The following DLGAP2 variants were observed in gnomAD, a reference collection of about 807,000 sequenced individuals.
The protein encoded by DLGAP2 is DLG associated protein 2.
In DLGAP2, 26 loss-of-function variants were observed where a neutral mutation model predicts 100.3. That is an observed-to-expected ratio of 0.26 (90% CI 0.19 to 0.36). DLGAP2 has a LOEUF of 0.36. Among genes scored for constraint, DLGAP2 ranks in the 10% least tolerant of loss-of-function variants. DLGAP2 has a pLI of 1.00. For synonymous variants in DLGAP2, 886 were observed against 630.1 expected (o/e 1.41, Z -6.08); for missense variants, 1,858 against 1,453.2 (o/e 1.28, Z -4.53).
intron 4 of DLGAP2, among the ~76,000 whole-genome samples, chr8:1,509,109 G>A (rs1800060963): frequency 6.6e-6 from 1 of 152,006 alleles, no homozygotes; most frequent in South Asian, 2.1e-4. Flanking sequence ...GAGGCGGGCG[G>A]ATCACGAGGT....
intron 4 of DLGAP2, among the ~76,000 whole-genome samples, chr8:1,536,710 C>G (rs1801164429): frequency 6.6e-6 from 1 of 152,196 alleles, no homozygotes; most frequent in Non-Finnish European, 1.5e-5. Context: ...CGTTTGGTCT[C>G]ATATTCATTT....
intron 1 of DLGAP2, among the ~76,000 whole-genome samples, chr8:746,476 G>A (rs1400743225): frequency 6.6e-6 from 1 of 152,194 alleles, no homozygotes; most frequent in Non-Finnish European, 1.5e-5. Flanking sequence ...CTCCAGAGCT[G>A]GGGGCGCAGC....
At chr8:1,332,147 G>A (rs1464526042) in intron 3 of DLGAP2, among the ~76,000 whole-genome samples, 1 of 152,206 alleles carries the variant, frequency 6.6e-6, no homozygotes, top group South Asian at 2.1e-4. Context: ...GTAGAAATGG[G>A]GGTGTGTGTG....
chr8:1,187,993 C>A (rs1440295239), intron 2 of DLGAP2, among the ~76,000 whole-genome samples: 1 of 122,668 alleles, frequency 8.2e-6, no homozygotes. Flanking sequence ...ACCTCTGTGA[C>A]GTTTGCCTCA....
intron 5 of DLGAP2, among the ~76,000 whole-genome samples, chr8:1,556,290 G>A (rs758807632): frequency 6.6e-5 from 10 of 152,090 alleles, no homozygotes; most frequent in Non-Finnish European, 1.5e-4. Context: ...GGGCAGATGA[G>A]GCTCTGCTCC....
chr8:1,540,407 G>C (rs1367054309), intron 4 of DLGAP2, among the ~76,000 whole-genome samples: 1 of 152,184 alleles, frequency 6.6e-6, no homozygotes, highest in Non-Finnish European at 1.5e-5. Context: ...AATTTTGTTT[G>C]AATGGCTGGG....
chr8:1,649,735 T>C lies in DLGAP2; in HGVS notation c.1810+16689T>C, dbSNP rs549709632. Among the ~76,000 whole-genome samples, 9 of 152,358 alleles carry C rather than the reference T, an allele frequency of 5.9e-5. No homozygotes were observed. The South Asian group carries it at 1.7e-3, about 28-fold the overall frequency. On this transcript the variant is annotated intron_variant, in intron 8 of 14. Coordinates refer to ENST00000637795, the MANE Select transcript of DLGAP2 (RefSeq NM_001346810.2). The stretch of plus-strand genomic sequence containing the variant: ...ATATTGGATTTATTTCATCCTAACA[T>C]AGGTATTAAGATAGAGGATCGTGCT...
At chr8:1,135,403 G>C (rs1796384485) in intron 2 of DLGAP2, among the ~76,000 whole-genome samples, 1 of 151,958 alleles carries the variant, frequency 6.6e-6, no homozygotes, top group Non-Finnish European at 1.5e-5. Context: ...AAGAGCCTTT[G>C]AGGGTGCGTC....
intron 1 of DLGAP2, among the ~76,000 whole-genome samples, chr8:873,548 T>G (rs1797637189): frequency 6.6e-6 from 1 of 152,208 alleles, no homozygotes; most frequent in South Asian, 2.1e-4. Flanking sequence ...TTTATAATTC[T>G]CTATATATAA....
intron 2 of DLGAP2, chr8:1,032,821 G>A (rs946649550): frequency 3.3e-5 from 5 of 152,192 alleles, no homozygotes; most frequent in Non-Finnish European, 7.3e-5. Flanking sequence ...GTGGCCCTAA[G>A]GAATGACAGC....
At chr8:966,339 G>A (rs1272719790) in intron 2 of DLGAP2, among the ~76,000 whole-genome samples, 2 of 152,180 alleles carry the variant, frequency 1.3e-5, no homozygotes, top group Non-Finnish European at 2.9e-5. Flanking sequence ...CGGATGACAT[G>A]TTTCTGATAA....
At chr8:1,654,662 A>AAG (rs35267355) in intron 8 of DLGAP2, among the ~76,000 whole-genome samples, 21 of 80,136 alleles carry the variant, frequency 2.6e-4, no homozygotes, top group Non-Finnish European at 5.1e-4. Context: ...ACTCCGTCTC[A>AAG]AAAAAAAAAA....
chr8:1,362,420 C>T (rs994621484), intron 3 of DLGAP2, among the ~76,000 whole-genome samples: 26 of 150,462 alleles, frequency 1.7e-4, no homozygotes, highest in African/African-American at 6.5e-4. Context: ...CCCGCCGTCA[C>T]AGCGCCCTCG....
chr8:891,361 G>C (rs1798031417), intron 1 of DLGAP2: 1 of 152,554 alleles, frequency 6.6e-6, no homozygotes, highest in Non-Finnish European at 1.5e-5. Flanking sequence ...AGGCCCAAAA[G>C]GTCAGGCTGT....
intron 8 of DLGAP2, among the ~76,000 whole-genome samples, chr8:1,648,940 T>A (rs933870215): frequency 6.6e-6 from 1 of 152,176 alleles, no homozygotes; most frequent in African/African-American, 2.4e-5. Flanking sequence ...AAAGGTTTAT[T>A]CTGCAACGTG....
At chr8:1,486,541 C>G (rs1474144447) in intron 3 of DLGAP2, among the ~76,000 whole-genome samples, 3 of 152,170 alleles carry the variant, frequency 2.0e-5, no homozygotes, top group African/African-American at 7.2e-5. Flanking sequence ...ACATTCCAAT[C>G]AAAGGGGGAA....
At chr8:904,567 T>G (rs545184691) in intron 1 of DLGAP2, among the ~76,000 whole-genome samples, 2 of 152,324 alleles carry the variant, frequency 1.3e-5, no homozygotes, top group South Asian at 4.1e-4. Flanking sequence ...GTGTGGTCAC[T>G]GACCCGGGGG....
chr8:948,682 G>C (rs1424516437), intron 2 of DLGAP2, among the ~76,000 whole-genome samples: 1 of 152,242 alleles, frequency 6.6e-6, no homozygotes, highest in Non-Finnish European at 1.5e-5. Context: ...GGCGCTGCCC[G>C]GCCCCACGTC....
chr8:985,881 CCT>C (rs147127667), intron 2 of DLGAP2, among the ~76,000 whole-genome samples: 71 of 152,228 alleles, frequency 4.7e-4, no homozygotes, highest in African/African-American at 1.7e-3. Context: ...TGACAAACCC[CCT>C]GTTTCAGCTC....
Sources: gnomAD v4.1 joint callset for allele counts (sites outside exome capture counted in the v4.1 genomes callset) on GRCh38, gnomAD v4.1.1 for gene constraint, MANE v1.5 for transcripts, NCBI Gene and HGNC (gene_info 2026-07-23, HGNC 2026-07-21) for gene names.